Variants in NTN1 observed in about 807,000 individuals in gnomAD.
NTN1 encodes netrin-1.
In NTN1, 11 loss-of-function variants were observed where a neutral mutation model predicts 54.2. The ratio of observed to expected loss-of-function variants is 0.20; its 90% confidence interval spans 0.13 to 0.34. The LOEUF is 0.34. NTN1 is among the 10% of genes least tolerant of loss of function. NTN1 has a pLI of 1.00. For missense variants in NTN1, 740 were observed against 893.1 expected (o/e 0.83, Z 2.18); for synonymous variants, 371 against 382.0 (o/e 0.97, Z 0.33).
intron 2 of NTN1, among the ~76,000 whole-genome samples, chr17:9,062,809 G>A (rs564482836): frequency 6.6e-6 from 1 of 152,278 alleles, no homozygotes; most frequent in South Asian, 2.1e-4. Context: ...GACACCCAGC[G>A]TGTCTGTAGG....
chr17:9,003,783 C>A, the NTN1 span, among the ~76,000 whole-genome samples: 1 of 152,194 alleles, frequency 6.6e-6, no homozygotes, highest in South Asian at 2.1e-4. This position sits in a 1 kb window ranked among gnomAD's most constrained non-coding sequence, Gnocchi z 7.4. Flanking sequence ...TGCATTCATC[C>A]CCCGGGCTAA....
intron 2 of NTN1, among the ~76,000 whole-genome samples, chr17:9,111,059 C>G (rs962513977): frequency 2.0e-5 from 3 of 151,754 alleles, no homozygotes; most frequent in Non-Finnish European, 2.9e-5. Flanking sequence ...TTCAGCCTCC[C>G]GAGTAGCTGG....
At chr17:9,121,247 A>G (rs2092230869) in intron 2 of NTN1, among the ~76,000 whole-genome samples, 1 of 152,170 alleles carries the variant, frequency 6.6e-6, no homozygotes, top group Non-Finnish European at 1.5e-5. Context: ...GAGGCCGTGT[A>G]CATTCAGGTT....
chr17:9,088,170 G>A (rs1001241373), intron 2 of NTN1, among the ~76,000 whole-genome samples: 14 of 152,224 alleles, frequency 9.2e-5, no homozygotes, highest in African/African-American at 2.9e-4. Flanking sequence ...GGCAGGAGGC[G>A]GGAGACAGGG....
intron 2 of NTN1, among the ~76,000 whole-genome samples, chr17:9,045,233 A>G (rs1301083947): frequency 1.3e-5 from 2 of 152,238 alleles, no homozygotes; most frequent in East Asian, 3.8e-4. Context: ...CCGTCTGTAC[A>G]TGAGCATCTG....
intron 2 of NTN1, among the ~76,000 whole-genome samples, chr17:9,040,470 C>T (rs1424346430): frequency 6.6e-6 from 1 of 152,088 alleles, no homozygotes; most frequent in Non-Finnish European, 1.5e-5. Context: ...ATTTTGCAAC[C>T]TTCAGCTTTA....
intron 4 of NTN1, among the ~76,000 whole-genome samples, chr17:9,180,768 T>A (rs2092416665): frequency 6.6e-6 from 1 of 152,172 alleles, no homozygotes; most frequent in Non-Finnish European, 1.5e-5. Flanking sequence ...TCCGTACAGC[T>A]GTTCGCAGGG....
At chr17:9,129,295 G>C (rs1386615405) in intron 2 of NTN1, among the ~76,000 whole-genome samples, 1 of 151,970 alleles carries the variant, frequency 6.6e-6, no homozygotes, top group Non-Finnish European at 1.5e-5. Flanking sequence ...CTCATTAAAA[G>C]GTACTTTACC....
chr17:9,123,966 T>G (rs1376520308), intron 2 of NTN1, among the ~76,000 whole-genome samples: 1 of 152,188 alleles, frequency 6.6e-6, no homozygotes, highest in African/African-American at 2.4e-5. Flanking sequence ...GTCACCTGTT[T>G]TTTTTAGAGT....
chr17:9,150,400 T>TTGGAGGTGGAGAAGGCG (rs2092323964), intron 2 of NTN1, among the ~76,000 whole-genome samples: 1 of 151,880 alleles, frequency 6.6e-6, no homozygotes, highest in African/African-American at 2.4e-5. Context: ...GGCGGGCTGG[T>TTGGAGGTGGAGAAGGCG]TGGAGGTGGA....
chr17:9,011,703 C>T, the NTN1 span, among the ~76,000 whole-genome samples: 1 of 152,166 alleles, frequency 6.6e-6, no homozygotes, highest in Non-Finnish European at 1.5e-5. Context: ...GATTCTCCTG[C>T]CTCAGCCTCC....
Position 9,223,996 on chromosome 17 carries a change from A to G in NTN1, c.1486+2754A>G, listed in dbSNP as rs111936267. Among the ~76,000 whole-genome samples the G allele has an allele frequency of 4.6e-5, 7 of 152,296 alleles. 1 individual carries two copies. Among genetic ancestry groups the G allele is most frequent in the African/African-American group, 9.6e-5 (4 of 41,558 alleles). On this transcript the variant is annotated intron_variant, in intron 6 of 6. Coordinates refer to ENST00000173229, the MANE Select transcript of NTN1 (RefSeq NM_004822.3). ...CTCGAAGAACTCTTTAAGCAGCTAC[A>G]CTGTGGAGAGGCAGCTGGGAGCAAG...
chr17:9,026,713 C>A (rs2091872376), intron 2 of NTN1, among the ~76,000 whole-genome samples: 1 of 149,496 alleles, frequency 6.7e-6, no homozygotes, highest in Admixed American at 6.8e-5. Flanking sequence ...CATAAATTAT[C>A]GACATCAGTT....
At chr17:9,214,532 A>G (rs747821078) in intron 5 of NTN1, among the ~76,000 whole-genome samples, 3 of 152,232 alleles carry the variant, frequency 2.0e-5, no homozygotes, top group Non-Finnish European at 4.4e-5. Flanking sequence ...CTTAAAAAAA[A>G]TCACTTTAGG....
chr17:9,003,940 A>T, the NTN1 span, among the ~76,000 whole-genome samples: 2 of 151,912 alleles, frequency 1.3e-5, no homozygotes, highest in Non-Finnish European at 2.9e-5. The surrounding 1 kb of genome is among the most constrained non-coding windows in gnomAD (Gnocchi z 7.4). Context: ...CGCGCCGCGG[A>T]CCCGCCGGCC....
chr17:9,193,703 A>G (rs1904530142), intron 5 of NTN1, among the ~76,000 whole-genome samples: 1 of 151,884 alleles, frequency 6.6e-6, no homozygotes, highest in Non-Finnish European at 1.5e-5. Flanking sequence ...CAGGTGGATC[A>G]CCTGAGGTCG....
At chr17:9,136,598 GAAAA>G (rs905327262) in intron 2 of NTN1, among the ~76,000 whole-genome samples, 2 of 151,642 alleles carry the variant, frequency 1.3e-5, no homozygotes, top group Non-Finnish European at 2.9e-5. Flanking sequence ...AACAAAAAAA[GAAAA>G]AAAAGAAAAA....
At chr17:9,192,778 GGTTTAGAAAGCT>G (rs1330440542) in intron 5 of NTN1, among the ~76,000 whole-genome samples, 1 of 152,124 alleles carries the variant, frequency 6.6e-6, no homozygotes, top group Admixed American at 6.6e-5. Flanking sequence ...TGCAGCTGAC[GGTTTAGAAAGCT>G]GTTTCCTCGG....
At chr17:9,079,252 C>CG (rs1455409512) in intron 2 of NTN1, among the ~76,000 whole-genome samples, 4 of 151,986 alleles carry the variant, frequency 2.6e-5, no homozygotes, top group African/African-American at 9.7e-5. Context: ...ACCATTCTTG[C>CG]GGGGTAGGAG....
Sources: gnomAD v4.1 joint callset for allele counts (sites outside exome capture counted in the v4.1 genomes callset) on GRCh38, gnomAD v4.1.1 for gene constraint, Gnocchi (gnomAD v3.1) non-coding constraint, MANE v1.5 for transcripts, NCBI Gene and HGNC (gene_info 2026-07-23, HGNC 2026-07-21) for gene names.